The following PTPRH variants were observed in gnomAD, a reference collection of about 807,000 sequenced individuals.
The protein encoded by PTPRH is protein tyrosine phosphatase receptor type H, also known as receptor-type tyrosine-protein phosphatase H.
A neutral mutation model predicts 130.2 loss-of-function variants in PTPRH; 113 were observed. The observed-to-expected ratio is 0.87, with a 90% CI of 0.75 to 1.01. PTPRH has a LOEUF of 1.01. Among genes scored for constraint, PTPRH ranks in the 50% least tolerant of loss-of-function variants. The pLI is 0.00. For missense variants in PTPRH, 1,430 were observed against 1,425.0 expected (o/e 1.00, Z -0.06); for synonymous variants, 556 against 577.9 (o/e 0.96, Z 0.54).
intron 9 of PTPRH, 63 bp from the exon 10 acceptor site, chr19:55,196,851 C>A: frequency 6.4e-7 from 1 of 1,558,530 alleles, no homozygotes; most frequent in South Asian, 1.2e-5. Context: ...CCCTCCACCC[C>A]TACCCCCAGT....
chr19:55,203,993 G>A lies in PTPRH; in HGVS notation c.675C>T (p.Ser225=), dbSNP rs2086961225. ...TGCCATCGGGGACCTCCCAGCTCAG[G>A]GAGATGGAGCTGGTGGTCTGAGCCT... The part of the protein sequence containing the change: ...RVEAQTTSSI[S]LSWEVPDGTD... The change falls in exon 5 of 20, where the codon TCC becomes TCT. Residue 225 remains serine, a synonymous_variant. Transcript: ENST00000376350. 6 of 1,614,140 alleles carry A rather than the reference G, an allele frequency of 3.7e-6. No homozygotes were observed. The highest frequency in any genetic ancestry group is 1.1e-5 in the South Asian group (1 of 91,082).
intron 6 of PTPRH, among the ~76,000 whole-genome samples, chr19:55,201,698 A>T (rs1252112546): frequency 6.6e-6 from 1 of 152,156 alleles, no homozygotes; most frequent in African/African-American, 2.4e-5. Flanking sequence ...CACAGTTGGG[A>T]ACTAGAAGAA....
rs778024721 is a variant in PTPRH, at chr19:55,200,302, T to C, written c.1354A>G (p.Thr452Ala). ...AERLEPGTLY[T>A]FSVWAEKNGA... The stretch of plus-strand genomic sequence containing the variant: ...TTTTTTTCTGCCCATACAGAGAATG[T>C]GTACAAGGTTCCGGGCTCAAGTCTC... The change falls in exon 7 of 20, where the codon ACA becomes GCA. Residue 452 changes from threonine (T) to alanine (A), a missense_variant. Thr to Ala is a moderately conservative substitution (Grantham distance 58). Transcript: ENST00000376350. 5.6e-6 allele frequency: 9 copies of C among 1,614,212 alleles called. 1 individual carries two copies. In the South Asian group the frequency reaches 9.9e-5, roughly 18 times the overall value.
chr19:55,193,678 G>A (rs560727809), intron 10 of PTPRH, among the ~76,000 whole-genome samples: 7 of 152,248 alleles, frequency 4.6e-5, no homozygotes, highest in African/African-American at 7.2e-5. Context: ...AGCCGGAAAC[G>A]TCTGTAGTGC....
At chr19:55,190,918 T>C (rs1020200635) in intron 12 of PTPRH, among the ~76,000 whole-genome samples, 1 of 152,132 alleles carries the variant, frequency 6.6e-6, no homozygotes, top group Admixed American at 6.6e-5. Flanking sequence ...CTCAACTCAC[T>C]GCAAGCTCTA....
intron 12 of PTPRH, among the ~76,000 whole-genome samples, chr19:55,191,265 T>C (rs987677252): frequency 2.6e-5 from 4 of 152,222 alleles, no homozygotes; most frequent in East Asian, 3.8e-4. Flanking sequence ...TCAGCTGATA[T>C]CTGCTGAATG....
rs1272096749 is a variant in PTPRH, at chr19:55,185,912, C to T, written c.2851G>A (p.Gly951Ser). 1 of 1,614,164 alleles carries T rather than the reference C, an allele frequency of 6.2e-7. No individual in the cohort carries two copies. Among genetic ancestry groups the T allele is most frequent in the East Asian group, 2.2e-5 (1 of 44,880 alleles). ...GTCCAGTTCTCCATCACTTCCTCACCTACCAGGGTTACCCGCAGGTGCCCA... is the reference window on the plus strand; with the variant it reads ...GTCCAGTTCTCCATCACTTCCTCACTTACCAGGGTTACCCGCAGGTGCCCA... ...THGHLRVTLVGEEVMENWTVR... is the reference protein window; with the variant it reads ...THGHLRVTLVSEEVMENWTVR... Residue 951 changes from glycine (G) to serine (S), a missense_variant, in exon 17 of 20, where the codon GGT becomes AGT. Physicochemically the swap from Gly to Ser is moderately conservative, Grantham distance 56. Transcript: ENST00000376350.
chr19:55,188,330 T>G (rs527317894), intron 12 of PTPRH, among the ~76,000 whole-genome samples, 162 bp from the exon 13 acceptor site: 1 of 152,208 alleles, frequency 6.6e-6, no homozygotes, highest in East Asian at 1.9e-4. Context: ...CTGGCCAACA[T>G]GGTGAAACCC....
chr19:55,200,655 C>T (rs570511443), intron 6 of PTPRH, among the ~76,000 whole-genome samples, 153 bp from the exon 7 acceptor site: 1 of 152,160 alleles, frequency 6.6e-6, no homozygotes, highest in African/African-American at 2.4e-5. Flanking sequence ...GTTTCTCAGA[C>T]TAATGTGCCG....
Position 55,203,781 on chromosome 19 carries a change from C to T in PTPRH, c.886+1G>A. The T allele has an allele frequency of 1.2e-6, 2 of 1,600,282 alleles. No individual in the cohort carries two copies. Among genetic ancestry groups the T allele is most frequent in the Non-Finnish European group, 1.7e-6 (2 of 1,168,498 alleles). On this transcript the variant is annotated splice_donor_variant, in intron 5 of 19. Coordinates refer to ENST00000376350, the MANE Select transcript of PTPRH (RefSeq NM_002842.5). LOFTEE classifies it high-confidence loss of function. ...AAAATAAAACAGCGGCTGCCTCTTA[C>T]CTGTGGCACTAGTGACAATCTCCAC...
Position 55,196,722 on chromosome 19 carries a change from C to A in PTPRH, c.2057G>T (p.Trp686Leu), listed in dbSNP as rs758148760. The change falls in exon 10 of 20, where the codon TGG becomes TTG. Residue 686 changes from tryptophan (W) to leucine (L), a missense_variant. By Grantham distance (61) the Trp-to-Leu change is moderately conservative (BLOSUM62 -2). Coordinates refer to ENST00000376350, the MANE Select transcript of PTPRH (RefSeq NM_002842.5). ...CTCGTAGCCTCCCTGGGGGCAGGAC[C>A]AGATCAAGTTGACTCCATAGCCCGC... Reference protein sequence around the residue: ...TSAGYGVNLIWSCPQGGYEAF... With the variant: ...TSAGYGVNLILSCPQGGYEAF... 1.4e-5 allele frequency: 22 copies of A among 1,614,086 alleles called. No individual in the cohort carries two copies. The highest frequency in any genetic ancestry group is 1.6e-4 in the Middle Eastern group (1 of 6,062).
At chr19:55,184,433 T>A (rs1163996535) in intron 18 of PTPRH, among the ~76,000 whole-genome samples, 1 of 152,192 alleles carries the variant, frequency 6.6e-6, no homozygotes, top group African/African-American at 2.4e-5. Flanking sequence ...GGGCTGTTAC[T>A]CTTCCTCATC....
rs375098379 is a variant in PTPRH at position 55,206,811 on chromosome 19, C to T, written c.230G>A (p.Arg77Gln). The T allele has an allele frequency of 3.3e-5, 53 of 1,613,998 alleles. No individual in the cohort carries two copies. The highest frequency in any genetic ancestry group is 1.0e-4 in the Admixed American group (6 of 59,984). Residue 77 changes from arginine (R) to glutamine (Q), a missense_variant, in exon 3 of 20, where the codon CGA becomes CAA. Transcript: ENST00000376350. ...CTGDGGTTET[R>Q]NTTATNVTVD... ...GGTGACGTTGGTGGCTGTTGTGTTT[C>T]GAGTCTCTGTTGTGCCGCCGTCTCC...
intron 7 of PTPRH, 22 bp from the exon 8 acceptor site, chr19:55,198,934 G>A: frequency 6.7e-7 from 1 of 1,495,060 alleles, no homozygotes. Flanking sequence ...AGCAGAGTCA[G>A]GATTTCCACA....
chr19:55,189,142 T>G (rs1172703995), intron 12 of PTPRH, among the ~76,000 whole-genome samples: 1 of 152,104 alleles, frequency 6.6e-6, no homozygotes, highest in Non-Finnish European at 1.5e-5. Context: ...CCAGCCACCA[T>G]GCCCGGCTAA....
chr19:55,200,996 T>C (rs1203699668), intron 6 of PTPRH, among the ~76,000 whole-genome samples: 1 of 151,284 alleles, frequency 6.6e-6, no homozygotes, highest in East Asian at 2.0e-4. Context: ...TCCAATGGAA[T>C]AGCATTAAGA....
intron 4 of PTPRH, among the ~76,000 whole-genome samples, chr19:55,204,716 T>C (rs891805958): frequency 9.2e-5 from 14 of 152,022 alleles, no homozygotes; most frequent in African/African-American, 3.4e-4. Context: ...GCTTTCCAAC[T>C]GAGCTTCTGC....
Position 55,200,381 on chromosome 19 carries a change from T to C in PTPRH, c.1275A>G (p.Gly425=), listed in dbSNP as rs1267845455. The C allele has an allele frequency of 6.2e-7, 1 of 1,614,018 alleles. No homozygotes were observed. Among genetic ancestry groups the C allele is most frequent in the African/African-American group, 1.3e-5 (1 of 74,908 alleles). The change falls in exon 7 of 20, where the codon GGA becomes GGG. Residue 425 remains glycine (G), a synonymous_variant. Transcript: ENST00000376350. ...TTCGGGTCTCTGTGCCACCACCGTC[T>C]CCAGTGTACTCTACCCAGTAGGTGT... The part of the protein sequence containing the change: ...QDYTYWVEYT[G]DGGGTETRNT...
At position 55,197,107 on chromosome 19, in the gene PTPRH, G is replaced by A. The variant is rs2288522; in HGVS notation, c.1990+10C>T. On this transcript the variant is annotated intron_variant, in intron 9 of 19. Coordinates refer to ENST00000376350, the MANE Select transcript of PTPRH (RefSeq NM_002842.5). ...AGTTCACCACTTGAAGGCAGGAAGG[G>A]GATTCTCACATGTGGACGCACAGAG... 1.3e-5 allele frequency: 21 copies of A among 1,611,794 alleles called. No individual in the cohort carries two copies. In the Admixed American group the frequency reaches 3.5e-4, roughly 27 times the overall value.
Sources: gnomAD v4.1 joint callset for allele counts (sites outside exome capture counted in the v4.1 genomes callset) on GRCh38, gnomAD v4.1.1 for gene constraint, MANE v1.5 for transcripts, NCBI Gene and HGNC (gene_info 2026-07-23, HGNC 2026-07-21) for gene names.